The following SYNDIG1 variants were observed in gnomAD, a reference collection of about 807,000 sequenced individuals.
SYNDIG1 encodes the protein synapse differentiation inducing 1, also known as synapse differentiation-inducing gene protein 1.
Under a neutral mutation model 19.4 loss-of-function variants are expected in SYNDIG1, and 9 were observed. The observed-to-expected ratio is 0.46, with a 90% CI of 0.28 to 0.81. The LOEUF (loss-of-function observed/expected upper bound fraction) is 0.81. SYNDIG1 is among the 30% of genes least tolerant of loss of function. SYNDIG1 has a pLI of 0.12. For missense variants in SYNDIG1, 311 were observed against 343.3 expected (o/e 0.91, Z 0.74); for synonymous variants, 141 against 145.9 (o/e 0.97, Z 0.24).
At chr20:24,566,716 G>A (rs1314193992) in intron 2 of SYNDIG1, among the ~76,000 whole-genome samples, 1 of 152,184 alleles carries the variant, frequency 6.6e-6, no homozygotes, top group East Asian at 1.9e-4. Context: ...AACTCAGAGT[G>A]AAGGAGCCAC....
chr20:24,607,818 C>T (rs1171005944), intron 3 of SYNDIG1, among the ~76,000 whole-genome samples: 2 of 152,232 alleles, frequency 1.3e-5, no homozygotes, highest in Non-Finnish European at 2.9e-5. Context: ...TCTTTTAAAA[C>T]TCCCAATATT....
At chr20:24,484,279 G>C (rs115376007) in intron 1 of SYNDIG1, among the ~76,000 whole-genome samples, 2 of 152,120 alleles carry the variant, frequency 1.3e-5, no homozygotes, top group African/African-American at 4.8e-5. Context: ...CCAGAAGAGT[G>C]GGGGGCCTGG....
At chr20:24,471,331 C>T (rs1431615026) in intron 1 of SYNDIG1, among the ~76,000 whole-genome samples, 1 of 152,000 alleles carries the variant, frequency 6.6e-6, no homozygotes, top group Non-Finnish European at 1.5e-5. Context: ...CGTTCTGGCG[C>T]GGACAGGAAG....
chr20:24,628,449 A>G (rs555826188), intron 3 of SYNDIG1, among the ~76,000 whole-genome samples: 1 of 152,324 alleles, frequency 6.6e-6, no homozygotes, highest in Admixed American at 6.5e-5. Flanking sequence ...TGGCCTCACT[A>G]AGGGCTTTAT....
rs1201793473 is a variant in SYNDIG1, at chr20:24,572,240, A to T, written c.481-12616A>T. Among the ~76,000 whole-genome samples the T allele has an allele frequency of 3.3e-5, 5 of 152,288 alleles. No individual in the cohort carries two copies. The East Asian group carries it at 9.6e-4, about 29-fold the overall frequency. On this transcript the variant is annotated intron_variant, in intron 2 of 3. Coordinates refer to ENST00000376862, the MANE Select transcript of SYNDIG1 (RefSeq NM_024893.3). ...TAGACCTAACCCCTGGTGTTTCAGT[A>T]AGACTTTAGTTTGGAAAATACTCAA...
chr20:24,531,422 T>A (rs763596988), intron 1 of SYNDIG1, among the ~76,000 whole-genome samples: 2 of 151,978 alleles, frequency 1.3e-5, no homozygotes, highest in Non-Finnish European at 2.9e-5. Context: ...CATAGACTTT[T>A]AAAAAAAATC....
intron 3 of SYNDIG1, among the ~76,000 whole-genome samples, chr20:24,640,086 C>T (rs2059356132): frequency 6.6e-6 from 1 of 152,166 alleles, no homozygotes; most frequent in Non-Finnish European, 1.5e-5. Context: ...GTAATTCCAG[C>T]ACTTTGGAAG....
At chr20:24,656,983 A>G (rs941608212) in intron 3 of SYNDIG1, among the ~76,000 whole-genome samples, 2 of 151,988 alleles carry the variant, frequency 1.3e-5, no homozygotes, top group Admixed American at 1.3e-4. Context: ...GGCCCCTCCT[A>G]TCCCTTGTTC....
intron 3 of SYNDIG1, among the ~76,000 whole-genome samples, chr20:24,605,913 A>G (rs532562523): frequency 6.6e-6 from 1 of 152,296 alleles, no homozygotes; most frequent in African/African-American, 2.4e-5. Context: ...TTACATTTCC[A>G]ACATGTGATC....
chr20:24,536,385 C>G (rs991209534), intron 1 of SYNDIG1, among the ~76,000 whole-genome samples: 1 of 152,102 alleles, frequency 6.6e-6, no homozygotes, highest in Non-Finnish European at 1.5e-5. Context: ...TCCTCAAACA[C>G]TCTCCAAGCA....
intron 1 of SYNDIG1, among the ~76,000 whole-genome samples, chr20:24,499,333 G>T (rs1368120137): frequency 2.0e-5 from 3 of 152,212 alleles, no homozygotes; most frequent in African/African-American, 4.8e-5. Flanking sequence ...CCTAGTGAAA[G>T]ATGGGAATCT....
chr20:24,488,286 C>T (rs971870629), intron 1 of SYNDIG1, among the ~76,000 whole-genome samples: 3 of 152,220 alleles, frequency 2.0e-5, no homozygotes. Context: ...GGCAAGGCAC[C>T]ATGCGAGGCA....
intron 1 of SYNDIG1, among the ~76,000 whole-genome samples, chr20:24,474,557 A>G (rs963408562): frequency 8.5e-5 from 13 of 152,216 alleles, no homozygotes; most frequent in African/African-American, 2.9e-4. Context: ...TTTCAGAGAG[A>G]TGGGCCTTGC....
intron 3 of SYNDIG1, among the ~76,000 whole-genome samples, chr20:24,637,651 G>A (rs552762478): frequency 6.0e-4 from 91 of 152,332 alleles, no homozygotes; most frequent in African/African-American, 2.0e-3. Context: ...GAAGGAAGGG[G>A]GAAGGTGATG....
At chr20:24,533,363 C>T (rs1263625956) in intron 1 of SYNDIG1, among the ~76,000 whole-genome samples, 1 of 152,174 alleles carries the variant, frequency 6.6e-6, no homozygotes, top group Non-Finnish European at 1.5e-5. Context: ...GTTCTGACCA[C>T]AGAAACAAAC....
chr20:24,604,900 T>C (rs1250740034), intron 3 of SYNDIG1, among the ~76,000 whole-genome samples: 1 of 152,184 alleles, frequency 6.6e-6, no homozygotes, highest in Non-Finnish European at 1.5e-5. Context: ...ATCCCACTTT[T>C]ATCCTTAAGT....
intron 3 of SYNDIG1, among the ~76,000 whole-genome samples, chr20:24,657,322 G>C (rs1329936891): frequency 6.6e-6 from 1 of 152,182 alleles, no homozygotes; most frequent in Non-Finnish European, 1.5e-5. Flanking sequence ...TGTAAATTGA[G>C]ATCCACAGAA....
At chr20:24,557,136 A>T (rs1196282198) in intron 2 of SYNDIG1, among the ~76,000 whole-genome samples, 1 of 151,358 alleles carries the variant, frequency 6.6e-6, no homozygotes, top group African/African-American at 2.4e-5. Flanking sequence ...GTAGTTCTCG[A>T]GCCTTGGCTT....
intron 3 of SYNDIG1, among the ~76,000 whole-genome samples, chr20:24,600,543 CA>C (rs1175364633): frequency 4.6e-5 from 7 of 151,574 alleles, no homozygotes; most frequent in African/African-American, 1.7e-4. Flanking sequence ...TTTTCTTGCA[CA>C]TTTTTATTAT....
Sources: allele counts gnomAD v4.1 joint callset (sites outside exome capture counted in the v4.1 genomes callset), GRCh38; gene constraint gnomAD v4.1.1; transcripts MANE v1.5; gene names NCBI Gene and HGNC (gene_info 2026-07-23, HGNC 2026-07-21).